KAZN: variants seen among roughly 807,000 people sequenced by gnomAD.
KAZN encodes the protein kazrin, periplakin interacting protein.
Under a neutral mutation model 87.4 loss-of-function variants are expected in KAZN, and 40 were observed. The ratio of observed to expected loss-of-function variants is 0.46; its 90% CI spans 0.36 to 0.60. The LOEUF (loss-of-function observed/expected upper bound fraction) is 0.60. KAZN is among the 20% of genes least tolerant of loss of function. The pLI is 0.00. For missense variants in KAZN, 898 were observed against 1,073.9 expected, an observed-to-expected ratio of 0.84 and a Z score of 2.29; for synonymous variants, 466 against 458.3, an observed-to-expected ratio of 1.02 and a Z score of -0.22.
At chr1:14,632,960 A>C (rs890704446) in intron 1 of KAZN, among the ~76,000 whole-genome samples, 3 of 151,958 alleles carry the variant, frequency 2.0e-5, no homozygotes, top group African/African-American at 7.2e-5. Flanking sequence ...TCTGTCACCC[A>C]GGCTAAAGTG....
rs1671187589 is a variant in KAZN at position 14,514,595 on chromosome 1, T to TCA, written c.250-84388_250-84387insCA. Among the ~76,000 whole-genome samples, 2 of 66,530 alleles carry TCA rather than the reference T, an allele frequency of 3.0e-5. 1 individual carries two copies. Among genetic ancestry groups the TCA allele is most frequent in the African/African-American group, 1.5e-4 (2 of 13,790 alleles). The allele number at this position is 66,530 out of a possible 152,430, so 43.6% of individuals were successfully genotyped here. ...TATATTTTATATATTTTTTTATATT[T>TCA]TATATATATATATATATATATATAT... On this transcript the variant is annotated intron_variant, in intron 2 of 16. Coordinates refer to the KAZN transcript ENST00000636203.
At chr1:13,999,831 C>T (rs539180158) in intron 1 of KAZN, among the ~76,000 whole-genome samples, 1 of 151,986 alleles carries the variant, frequency 6.6e-6, no homozygotes, top group Non-Finnish European at 1.5e-5. Flanking sequence ...AGAGAAGAAT[C>T]AAATAGACAC....
chr1:14,217,881 A>G (rs1213242017), intron 2 of KAZN, among the ~76,000 whole-genome samples: 1 of 152,170 alleles, frequency 6.6e-6, no homozygotes, highest in Non-Finnish European at 1.5e-5. Flanking sequence ...AGGAAATAGA[A>G]TAATATATTT....
chr1:14,133,128 G>A (rs944576543), intron 1 of KAZN, among the ~76,000 whole-genome samples: 2 of 152,094 alleles, frequency 1.3e-5, no homozygotes, highest in East Asian at 1.9e-4. Flanking sequence ...CAGCACTTTG[G>A]GAGGCCAAGG....
intron 2 of KAZN, among the ~76,000 whole-genome samples, chr1:14,413,365 C>G (rs189107458): frequency 6.6e-6 from 1 of 151,576 alleles, no homozygotes; most frequent in African/African-American, 2.4e-5. Flanking sequence ...CTGAGGCGGG[C>G]GGATCACGAG....
chr1:14,930,519 A>G (rs962697619), intron 1 of KAZN, among the ~76,000 whole-genome samples: 2 of 152,142 alleles, frequency 1.3e-5, no homozygotes, highest in African/African-American at 4.8e-5. Context: ...ATTAGTGTGG[A>G]AGGATCATTG....
At chr1:14,541,442 A>G (rs549306080) in intron 2 of KAZN, among the ~76,000 whole-genome samples, 8 of 152,310 alleles carry the variant, frequency 5.3e-5, no homozygotes, top group African/African-American at 1.9e-4. Flanking sequence ...TCAGTCCCAA[A>G]CAGTGAAGGT....
intron 2 of KAZN, among the ~76,000 whole-genome samples, chr1:14,231,025 A>T (rs1245903665): frequency 6.6e-6 from 1 of 152,180 alleles, no homozygotes; most frequent in East Asian, 1.9e-4. Flanking sequence ...GAATCAATGA[A>T]TGAGTGTATT....
At chr1:14,072,711 G>A (rs940059325) in intron 1 of KAZN, among the ~76,000 whole-genome samples, 3 of 152,056 alleles carry the variant, frequency 2.0e-5, no homozygotes, top group Non-Finnish European at 2.9e-5. Flanking sequence ...TTCCAGCTGC[G>A]TGACCCATGA....
intron 1 of KAZN, among the ~76,000 whole-genome samples, chr1:14,677,670 G>A (rs1274350436): frequency 6.6e-6 from 1 of 152,122 alleles, no homozygotes; most frequent in African/African-American, 2.4e-5. Flanking sequence ...GTGGAGAGGA[G>A]GACACTTCCA....
At chr1:14,549,479 C>A (rs977313053) in intron 2 of KAZN, among the ~76,000 whole-genome samples, 1 of 152,166 alleles carries the variant, frequency 6.6e-6, no homozygotes, top group East Asian at 1.9e-4. Context: ...ATACCTGTGG[C>A]CCAGACACAG....
chr1:14,890,231 A>C (rs926083139), intron 1 of KAZN, among the ~76,000 whole-genome samples: 1 of 152,174 alleles, frequency 6.6e-6, no homozygotes, highest in Non-Finnish European at 1.5e-5. Context: ...GGTCAAGGCA[A>C]TTGAAATTTC....
intron 1 of KAZN, among the ~76,000 whole-genome samples, chr1:14,626,834 A>T (rs753870164): frequency 1.5e-4 from 23 of 152,074 alleles, no homozygotes; most frequent in East Asian, 1.9e-4. Context: ...AAGGTTGTTC[A>T]TGCTGCTTGC....
chr1:14,546,616 C>G (rs1673162868), intron 2 of KAZN, among the ~76,000 whole-genome samples: 1 of 152,036 alleles, frequency 6.6e-6, no homozygotes, highest in African/African-American at 2.4e-5. Context: ...GGAAAGACTG[C>G]TTGGAAGACT....
At chr1:14,268,098 A>G (rs1385620354) in intron 2 of KAZN, among the ~76,000 whole-genome samples, 1 of 152,242 alleles carries the variant, frequency 6.6e-6, no homozygotes, top group Non-Finnish European at 1.5e-5. Flanking sequence ...CAAACCTTTC[A>G]GGTACCTGCA....
At chr1:14,008,447 A>G (rs2101176491) in intron 1 of KAZN, among the ~76,000 whole-genome samples, 1 of 152,370 alleles carries the variant, frequency 6.6e-6, no homozygotes, top group Non-Finnish European at 1.5e-5. Flanking sequence ...ATTTCAAGAC[A>G]TGGATTATCT....
At chr1:14,692,241 A>G (rs1641358824) in intron 1 of KAZN, 1 of 688,498 alleles carries the variant, frequency 1.5e-6, no homozygotes, top group Non-Finnish European at 2.2e-6. Context: ...TGCAGCTTCC[A>G]ACCTGCGCTG....
chr1:13,938,712 A>G (rs1266586838), intron 1 of KAZN, among the ~76,000 whole-genome samples: 1 of 152,184 alleles, frequency 6.6e-6, no homozygotes, highest in Non-Finnish European at 1.5e-5. Flanking sequence ...TGGGAAGGGG[A>G]CCACCTCTGC....
intron 2 of KAZN, among the ~76,000 whole-genome samples, chr1:14,379,075 T>TAG (rs35116579): frequency 0.89 from 129,677 of 145,684 alleles, 57,891 homozygotes; most frequent in Middle Eastern, 0.93. Context: ...CAGCACCAGT[T>TAG]AGTCATGAGG....
Sources: allele counts gnomAD v4.1 joint callset (sites outside exome capture counted in the v4.1 genomes callset), GRCh38; gene constraint gnomAD v4.1.1; transcripts MANE v1.5; gene names NCBI Gene and HGNC (gene_info 2026-07-23, HGNC 2026-07-21).